Variants in IGSF9B observed in about 807,000 individuals in gnomAD.
IGSF9B encodes the protein immunoglobulin superfamily member 9B.
In IGSF9B, 48 loss-of-function variants were observed where a neutral mutation model predicts 143.7. That is an observed-to-expected ratio of 0.33 (90% CI 0.26 to 0.42). The LOEUF is 0.42. IGSF9B is among the 20% of genes least tolerant of loss of function. IGSF9B has a pLI of 1.00. For missense variants in IGSF9B, 1,706 were observed against 1,980.0 expected (o/e 0.86, Z 2.63); for synonymous variants, 903 against 833.1 (o/e 1.08, Z -1.44).
intron 3 of IGSF9B, among the ~76,000 whole-genome samples, chr11:133,942,579 T>C (rs577943605): frequency 2.0e-4 from 31 of 152,314 alleles, no homozygotes; most frequent in Non-Finnish European, 3.8e-4. Context: ...ATCAGGATGA[T>C]GCAAAAGAAC....
chr11:133,922,591 C>T lies in IGSF9B; in HGVS notation c.2259G>A (p.Lys753=). 1 of 1,611,634 alleles carries T rather than the reference C, an allele frequency of 6.2e-7. No homozygotes were observed. Among genetic ancestry groups the T allele is most frequent in the Non-Finnish European group, 8.5e-7 (1 of 1,179,006 alleles). The change falls in exon 16 of 20, where the codon AAG becomes AAA. Residue 753 remains lysine (K), a synonymous_variant. Coordinates refer to ENST00000533871, the MANE Select transcript of IGSF9B (RefSeq NM_001277285.4). The part of the protein sequence containing the change: ...LAACFVNKQR[K]RKLKRKKDPP... ...CACCTTTTTTGCGCTTGAGCTTACG[C>T]TTGCGCTGCTTGTTGACAAAGCAGG...
chr11:133,909,451 C>T lies in IGSF9B; in HGVS notation c.4106-174G>A, dbSNP rs796538958. ...GCTGCAGAGAAACCACCTTCTTTTC[C>T]GCCAAGACAACCAGCAACCTGACCC... On this transcript the variant is annotated intron_variant, in intron 19 of 19. Coordinates refer to ENST00000533871, the MANE Select transcript of IGSF9B (RefSeq NM_001277285.4). The surrounding 1 kb of genome is among the most constrained non-coding windows in gnomAD (Gnocchi z 4.2). Among the ~76,000 whole-genome samples, 8 of 152,294 alleles carry T rather than the reference C, an allele frequency of 5.3e-5. No individual in the cohort carries two copies. The highest frequency in any genetic ancestry group is 2.1e-4 in the South Asian group (1 of 4,824).
At chr11:133,916,534 C>T (rs965787856) in intron 18 of IGSF9B, among the ~76,000 whole-genome samples, 3 of 152,150 alleles carry the variant, frequency 2.0e-5, no homozygotes, top group Non-Finnish European at 4.4e-5. Context: ...GGGGCTGACT[C>T]AGGATGGGGA....
rs1939247749 is a variant in IGSF9B, at chr11:133,908,567, G to C, written c.*502C>G. ...TGACCACAGAGAGCAACAGCACTTTGCCTCAATGTACATATATATATATAT... is the reference window on the plus strand; with the variant it reads ...TGACCACAGAGAGCAACAGCACTTTCCCTCAATGTACATATATATATATAT... On this transcript the variant is annotated 3_prime_UTR_variant, in exon 20 of 20. Coordinates refer to ENST00000533871, the MANE Select transcript of IGSF9B (RefSeq NM_001277285.4). The C allele has an allele frequency of 7.1e-6, 1 of 140,852 alleles. No homozygotes were observed. The highest frequency in any genetic ancestry group is 1.6e-5 in the Non-Finnish European group (1 of 64,180). The allele number at this position is 140,852 out of a possible 1,614,324, so 8.7% of individuals were successfully genotyped here. A position where few individuals can be genotyped will look rare whatever the true frequency, so the allele number is the denominator to read the frequency against.
In IGSF9B at chr11:133,919,124, G is replaced by GGC. The variant is rs557402535; in HGVS notation, c.3983+617_3983+618insGC. The stretch of plus-strand genomic sequence containing the variant: ...CAGCTTCCTGCGAGGTATACGGGGG[G>GGC]GGGGTGGGGGACGTGTCCTGCACAT... On this transcript the variant is annotated intron_variant, in intron 18 of 19. Transcript: ENST00000533871. The GGC allele has an allele frequency of 5.2e-4, 190 of 368,530 alleles. 5 individuals are homozygous for GGC. Among genetic ancestry groups the GGC allele is most frequent in the Non-Finnish European group, 8.0e-4 (145 of 181,020 alleles). The allele number at this position is 368,530 out of a possible 1,614,324, so 22.8% of individuals were successfully genotyped here.
rs570920525 is a variant in IGSF9B, at chr11:133,919,665, G to A, written c.3983+77C>T. On this transcript the variant is annotated intron_variant, in intron 18 of 19. Transcript: ENST00000533871. ...GAGCCCTGTCGCCGGGCGGATGGAC[G>A]GGGTGGAGGGCAGGGCGAGGCGGGT... The A allele has an allele frequency of 2.1e-5, 20 of 936,978 alleles. No individual in the cohort carries two copies. In the East Asian group the frequency reaches 5.3e-4, roughly 25 times the overall value. 58.0% of individuals were successfully genotyped at this position (936,978 alleles called of 1,614,324 possible).
intron 18 of IGSF9B, among the ~76,000 whole-genome samples, chr11:133,916,584 G>A (rs960429000): frequency 4.6e-5 from 7 of 152,186 alleles, no homozygotes; most frequent in South Asian, 2.1e-4. Flanking sequence ...GGCCAGGCCC[G>A]GGAGAGAAAC....
At chr11:133,919,639 C>T (rs531103509) in intron 18 of IGSF9B, 103 bp downstream of exon 18, 12 of 771,124 alleles carry the variant, frequency 1.6e-5, no homozygotes, top group African/African-American at 5.4e-5. Context: ...CATGTCCGCA[C>T]GAGCCCTGTC....
intron 18 of IGSF9B, among the ~76,000 whole-genome samples, chr11:133,916,444 T>C (rs1324820731): frequency 6.6e-6 from 1 of 152,112 alleles, no homozygotes; most frequent in Non-Finnish European, 1.5e-5. Flanking sequence ...GGAGACAGCA[T>C]CTGAACAGAG....
Position 133,896,879 on chromosome 11 carries a change from C to G in IGSF9B, c.*12190G>C, listed in dbSNP as rs973780616. ...GCGTCTATTGCTTAGGGCCGTAGAG[C>G]AGGCGTGGCTTTGGGGTCATCTCCA... On this transcript the variant is annotated 3_prime_UTR_variant, in exon 20 of 20. Transcript: ENST00000533871. The G allele has an allele frequency of 6.6e-6, 1 of 152,474 alleles. No homozygotes were observed. Among genetic ancestry groups the G allele is most frequent in the Non-Finnish European group, 1.5e-5 (1 of 68,272 alleles). The allele number at this position is 152,474 out of a possible 1,614,324, so 9.4% of individuals were successfully genotyped here.
In IGSF9B at chr11:133,937,925, A is replaced by G; in HGVS notation, c.446T>C (p.Ile149Thr). 1 of 1,613,230 alleles carries G rather than the reference A, an allele frequency of 6.2e-7. No individual in the cohort carries two copies. Among genetic ancestry groups the G allele is most frequent in the Non-Finnish European group, 8.5e-7 (1 of 1,179,660 alleles). The change falls in exon 4 of 20, where the codon ATC (isoleucine) becomes ACC (threonine). Residue 149 changes from isoleucine (I) to threonine (T), a missense_variant. Physicochemically the swap from Ile to Thr is moderately conservative, Grantham distance 89. Coordinates refer to ENST00000533871, the MANE Select transcript of IGSF9B (RefSeq NM_001277285.4). ...GATACTACCACCCTCCTTGGCCTCG[A>G]TGTACTGGGGGGGTGTTTCTGTAAA... Reference protein sequence around the residue: ...PTFTETPPQYIEAKEGGSITM... With the variant: ...PTFTETPPQYTEAKEGGSITM...
intron 15 of IGSF9B, among the ~76,000 whole-genome samples, chr11:133,923,448 G>C (rs907005106): frequency 6.6e-6 from 1 of 152,146 alleles, no homozygotes; most frequent in Admixed American, 6.5e-5. Flanking sequence ...TCACCATAAG[G>C]AGCTGAACGT....
chr11:133,945,663 C>T lies in IGSF9B; in HGVS notation c.262+398G>A, dbSNP rs139159180. Among the ~76,000 whole-genome samples, 38 of 152,280 alleles carry T rather than the reference C, an allele frequency of 2.5e-4. 1 individual carries two copies. In the East Asian group the frequency reaches 4.5e-3, roughly 18 times the overall value. On this transcript the variant is annotated intron_variant, in intron 2 of 19. Transcript: ENST00000533871. The surrounding 1 kb of genome is among the most constrained non-coding windows in gnomAD (Gnocchi z 4.6). ...GTGGGAGGCCAAAGATTCATCCATA[C>T]ACTCAGGACGGGAAGGCGCCCCGAC...
At position 133,901,872 on chromosome 11, in the gene IGSF9B, C is replaced by T. The variant is rs4937852; in HGVS notation, c.*7197G>A. Among the ~76,000 whole-genome samples, 51,464 of 144,146 alleles carry T rather than the reference C, an allele frequency of 0.36. 10,383 individuals are homozygous for T. Among genetic ancestry groups the T allele is most frequent in the East Asian group, 0.63 (3,008 of 4,748 alleles). The allele number at this position is 144,146 out of a possible 152,430, so 94.6% of individuals were successfully genotyped here. On this transcript the variant is annotated 3_prime_UTR_variant, in exon 20 of 20. Transcript: ENST00000533871. ...ACACGCACCACACACGCACCACACA[C>T]GCACCACACACACACACAACACACA...
At chr11:133,941,755 A>G (rs756635017) in intron 3 of IGSF9B, among the ~76,000 whole-genome samples, 4 of 152,038 alleles carry the variant, frequency 2.6e-5, no homozygotes, top group African/African-American at 4.8e-5. Context: ...TGAACAGCCT[A>G]CCCGTGTTCC....
rs753530350 is a variant in IGSF9B at position 133,920,484 on chromosome 11, G to T, written c.3241C>A (p.Pro1081Thr). The T allele has an allele frequency of 6.3e-7, 1 of 1,575,324 alleles. No homozygotes were observed. Among genetic ancestry groups the T allele is most frequent in the Non-Finnish European group, 8.6e-7 (1 of 1,159,638 alleles). The change falls in exon 18 of 20, where the codon CCC (proline) becomes ACC (threonine). Residue 1081 changes from proline to threonine, a missense_variant. Physicochemically the swap from Pro to Thr is conservative, Grantham distance 38 (BLOSUM62 -1). This residue lies in a region of IGSF9B where 880 missense variants were observed against 762.9 expected (regional missense o/e 1.15). Coordinates refer to ENST00000533871, the MANE Select transcript of IGSF9B (RefSeq NM_001277285.4). ...GCGGGCACCTGCAGGGAGGTGGGGGGCAGTCCTCGGGGGAGGCCGGCCTTG... is the reference window on the plus strand; with the variant it reads ...GCGGGCACCTGCAGGGAGGTGGGGGTCAGTCCTCGGGGGAGGCCGGCCTTG... ...QPKAGLPRGL[P>T]PTSLQVPAAY...
intron 3 of IGSF9B, 68 bp downstream of exon 3, chr11:133,944,152 C>T: frequency 6.6e-7 from 1 of 1,506,798 alleles, no homozygotes; most frequent in Non-Finnish European, 8.9e-7. Flanking sequence ...TGGGGCAGGC[C>T]CACCCCGGAA....
chr11:133,951,902 C>G (rs1368229929), intron 1 of IGSF9B: 1 of 293,020 alleles, frequency 3.4e-6, no homozygotes, highest in South Asian at 2.9e-5. Flanking sequence ...CATTCCTACT[C>G]CAAAGCCAGA....
At position 133,920,404 on chromosome 11, in the gene IGSF9B, C is replaced by A. The variant is rs752394750; in HGVS notation, c.3321G>T (p.Ser1107=). 2 of 1,594,042 alleles carry A rather than the reference C, an allele frequency of 1.3e-6. No individual in the cohort carries two copies. Among genetic ancestry groups the A allele is most frequent in the Non-Finnish European group, 1.7e-6 (2 of 1,171,716 alleles). ...LEAPKGWAGK[S]PGRGPVPAPP... ...GCGCTGGGACAGGGCCCCTGCCGGG[C>A]GACTTGCCTGCCCAACCCTTCGGTG... Residue 1107 remains serine (S), a synonymous_variant, in exon 18 of 20, where the codon TCG becomes TCT. Coordinates refer to ENST00000533871, the MANE Select transcript of IGSF9B (RefSeq NM_001277285.4).
Sources: allele counts gnomAD v4.1 joint callset (sites outside exome capture counted in the v4.1 genomes callset), GRCh38; gene constraint gnomAD v4.1.1; regional missense constraint gnomAD v4.1.1; non-coding constraint Gnocchi (gnomAD v3.1); transcripts MANE v1.5; gene names NCBI Gene and HGNC (gene_info 2026-07-23, HGNC 2026-07-21).